The following ADGRB2 variants were observed in gnomAD, a reference collection of about 807,000 sequenced individuals.
ADGRB2 encodes adhesion G protein-coupled receptor B2, also known as brain-specific angiogenesis inhibitor 2.
Under a neutral mutation model 178.7 loss-of-function variants are expected in ADGRB2, and 47 were observed. The ratio of observed to expected loss-of-function variants is 0.26; its 90% confidence interval spans 0.21 to 0.34. The LOEUF is 0.34. Among genes scored for constraint, ADGRB2 ranks in the 10% least tolerant of loss-of-function variants. ADGRB2 has a pLI of 1.00. For synonymous variants in ADGRB2, 870 were observed against 912.4 expected (o/e 0.95, Z 0.84); for missense variants, 1,584 against 2,180.8 (o/e 0.73, Z 5.45).
chr1:31,738,551 G>A (rs1411380557), intron 17 of ADGRB2, 36 bp downstream of exon 17: 2 of 1,590,734 alleles, frequency 1.3e-6, no homozygotes, highest in South Asian at 1.1e-5. Flanking sequence ...CCCTAGGGCT[G>A]CTCCCTTCCT....
chr1:31,727,340 G>A lies in ADGRB2; in HGVS notation c.*80C>T. The stretch of plus-strand genomic sequence containing the variant: ...CCTCGGGAGAGGGGAGAGGGCGCTG[G>A]CTCCTGGGTAGTTCCAAAGTGGAGT... On this transcript the variant is annotated 3_prime_UTR_variant, in exon 33 of 33. Coordinates refer to ENST00000373658, the MANE Select transcript of ADGRB2 (RefSeq NM_001364857.2). The surrounding 1 kb of genome is among the most constrained non-coding windows in gnomAD (Gnocchi z 4.4). The A allele has an allele frequency of 1.4e-6, 2 of 1,452,802 alleles. No homozygotes were observed. Among genetic ancestry groups the A allele is most frequent in the Non-Finnish European group, 1.8e-6 (2 of 1,105,826 alleles). The allele number at this position is 1,452,802 out of a possible 1,614,324, so 90.0% of individuals were successfully genotyped here.
rs112834484 is a variant in ADGRB2, at chr1:31,744,048, C to T, written c.1087+145G>A. The stretch of plus-strand genomic sequence containing the variant: ...TGCCCTGCACCGGGCTGGCATGGTA[C>T]GCAGAGTTGGGCATGGTGTGGGGAA... On this transcript the variant is annotated intron_variant, in intron 6 of 32. Transcript: ENST00000373658. The surrounding 1 kb of genome is among the most constrained non-coding windows in gnomAD (Gnocchi z 6.7). 5.6e-3 allele frequency: 6,260 copies of T among 1,113,246 alleles called. 44 individuals are homozygous for T. Among genetic ancestry groups the T allele is most frequent in the East Asian group, 0.021 (777 of 37,448 alleles). The allele number at this position is 1,113,246 out of a possible 1,614,324, so 69.0% of individuals were successfully genotyped here.
At position 31,728,460 on chromosome 1, in the gene ADGRB2, A is replaced by G. The variant is rs1362155600; in HGVS notation, c.4416+138T>C. 2 of 1,412,746 alleles carry G rather than the reference A, an allele frequency of 1.4e-6. No homozygotes were observed. The highest frequency in any genetic ancestry group is 4.6e-5 in the East Asian group (2 of 43,706). The allele number at this position is 1,412,746 out of a possible 1,614,324, so 87.5% of individuals were successfully genotyped here. A position where few individuals can be genotyped will look rare whatever the true frequency, so the allele number is the denominator to read the frequency against. ...CTTGGGCAGGGAGGGAATCATGGGA[A>G]GATCCCACGGAACCCCCGGGCTTGG... On this transcript the variant is annotated intron_variant, in intron 30 of 32. Coordinates refer to ENST00000373658, the MANE Select transcript of ADGRB2 (RefSeq NM_001364857.2). The surrounding 1 kb of genome is among the most constrained non-coding windows in gnomAD (Gnocchi z 6.7).
Position 31,727,462 on chromosome 1 carries a change from C to T in ADGRB2, c.4716G>A (p.Glu1572=), listed in dbSNP as rs149701008. The change falls in exon 33 of 33, where the codon GAG becomes GAA. Residue 1572 remains glutamate, a synonymous_variant. Coordinates refer to ENST00000373658, the MANE Select transcript of ADGRB2 (RefSeq NM_001364857.2). The surrounding 1 kb of genome is among the most constrained non-coding windows in gnomAD (Gnocchi z 4.4). ...RLTLHRAAAW[E]PTEPPDGDFQ... ...AGTCACCATCCGGTGGTTCTGTGGG[C>T]TCCCAGGCTGCTGCCCGGTGCAGAG... is the stretch of plus-strand genomic sequence containing the variant. 5.0e-3 allele frequency: 7,891 copies of T among 1,590,850 alleles called. 45 individuals carry two copies. Among genetic ancestry groups the T allele is most frequent in the East Asian group, 0.022 (951 of 43,910 alleles).
In ADGRB2 at chr1:31,740,361, C is replaced by A. The variant is rs1297447321; in HGVS notation, c.1975G>T (p.Ala659Ser). The A allele has an allele frequency of 6.2e-7, 1 of 1,612,276 alleles. No homozygotes were observed. Among genetic ancestry groups the A allele is most frequent in the Non-Finnish European group, 8.5e-7 (1 of 1,178,920 alleles). The change falls in exon 12 of 33, where the codon GCT (alanine) becomes TCT (serine). Residue 659 changes from alanine to serine, a missense_variant. Ala to Ser is a moderately conservative substitution (Grantham distance 99, BLOSUM62 1). Coordinates refer to ENST00000373658, the MANE Select transcript of ADGRB2 (RefSeq NM_001364857.2). This position sits in a 1 kb window ranked among gnomAD's most constrained non-coding sequence, Gnocchi z 5.9. ...TFKRATYVPSADDVQRFFQVV... is the reference protein window; with the variant it reads ...TFKRATYVPSSDDVQRFFQVV... ...CTAGGCAGTACCTGCACATCATCAG[C>A]CGAGGGCACGTAGGTGGCCCTCTTA...
chr1:31,746,408 G>C (rs1646273507), intron 4 of ADGRB2, among the ~76,000 whole-genome samples: 1 of 152,094 alleles, frequency 6.6e-6, no homozygotes, highest in African/African-American at 2.4e-5. Context: ...GGCAGGGCCA[G>C]GCGTGCCAGC....
chr1:31,730,203 G>C (rs1467590144), intron 29 of ADGRB2, among the ~76,000 whole-genome samples: 1 of 152,206 alleles, frequency 6.6e-6, no homozygotes, highest in Non-Finnish European at 1.5e-5. Context: ...CACACAGGCA[G>C]GGACCCGGAG....
At position 31,754,512 on chromosome 1, in the gene ADGRB2, T is replaced by C. The variant is rs1199815258; in HGVS notation, c.838+1487A>G. On this transcript the variant is annotated intron_variant, in intron 4 of 32. Transcript: ENST00000373658. This position sits in a 1 kb window ranked among gnomAD's most constrained non-coding sequence, Gnocchi z 5.7. ...TGTTCAACAAAGAAGCAAAATTCAATTTCTTCCTACAGGCACTAAATCCCA... is the reference window on the plus strand; with the variant it reads ...TGTTCAACAAAGAAGCAAAATTCAACTTCTTCCTACAGGCACTAAATCCCA... Among the ~76,000 whole-genome samples, 2 of 152,220 alleles carry C rather than the reference T, an allele frequency of 1.3e-5. No homozygotes were observed. Among genetic ancestry groups the C allele is most frequent in the Admixed American group, 6.5e-5 (1 of 15,286 alleles).
rs562294551 is a variant in ADGRB2, at chr1:31,758,886, T to C, written c.-190-1375A>G. 1.3e-5 allele frequency among the ~76,000 whole-genome samples: 2 copies of C among 152,212 alleles called. No individual in the cohort carries two copies. Among genetic ancestry groups the C allele is most frequent in the Non-Finnish European group, 2.9e-5 (2 of 68,036 alleles). On this transcript the variant is annotated intron_variant, in intron 1 of 32. Transcript: ENST00000373658. The surrounding 1 kb of genome is among the most constrained non-coding windows in gnomAD (Gnocchi z 4.2). ...CCCACACTGCTCAGCTCGCCCCACC[T>C]GCTGCGGCACTAGCCAAGCCAGCGG...
rs1185381280 is a variant in ADGRB2 at position 31,740,727 on chromosome 1, A to G, written c.1795-186T>C. On this transcript the variant is annotated intron_variant, in intron 11 of 32. Coordinates refer to ENST00000373658, the MANE Select transcript of ADGRB2 (RefSeq NM_001364857.2). This position sits in a 1 kb window ranked among gnomAD's most constrained non-coding sequence, Gnocchi z 5.9. Reference sequence around the variant, plus strand: ...GAAAGAGACTCATAGAGAGAGAGAGAATCCCAAAGGGTACTTTAAAAAAGA... The same window carrying G: ...GAAAGAGACTCATAGAGAGAGAGAGGATCCCAAAGGGTACTTTAAAAAAGA... Among the ~76,000 whole-genome samples the G allele has an allele frequency of 6.6e-6, 1 of 152,108 alleles. No individual in the cohort carries two copies. The highest frequency in any genetic ancestry group is 2.4e-5 in the African/African-American group (1 of 41,410).
In ADGRB2 at chr1:31,740,235, C is replaced by T; in HGVS notation, c.1990-57G>A. On this transcript the variant is annotated intron_variant, in intron 12 of 32. Coordinates refer to ENST00000373658, the MANE Select transcript of ADGRB2 (RefSeq NM_001364857.2). The surrounding 1 kb of genome is among the most constrained non-coding windows in gnomAD (Gnocchi z 5.9). ...CTAGCCCCAGGGAACAGGGGGCTTC[C>T]CCCACTATAGCCACACTTGCCGCCT... The T allele has an allele frequency of 1.2e-6, 2 of 1,610,820 alleles. No individual in the cohort carries two copies. The highest frequency in any genetic ancestry group is 1.7e-4 in the Middle Eastern group (1 of 5,860).
At position 31,759,698 on chromosome 1, in the gene ADGRB2, A is replaced by G. The variant is rs1646986434; in HGVS notation, c.-190-2187T>C. Among the ~76,000 whole-genome samples, 1 of 152,186 alleles carries G rather than the reference A, an allele frequency of 6.6e-6. No individual in the cohort carries two copies. Among genetic ancestry groups the G allele is most frequent in the Non-Finnish European group, 1.5e-5 (1 of 68,026 alleles). On this transcript the variant is annotated intron_variant, in intron 1 of 32. Transcript: ENST00000373658. This position sits in a 1 kb window ranked among gnomAD's most constrained non-coding sequence, Gnocchi z 4.3. ...CTTCCCACCATTCAAAATAAGGCAAAGACCCAATTCCAAGCTGGGTCACAG... is the reference window on the plus strand; with the variant it reads ...CTTCCCACCATTCAAAATAAGGCAAGGACCCAATTCCAAGCTGGGTCACAG...
rs1179856616 is a variant in ADGRB2, at chr1:31,744,287, C to T, written c.993G>A (p.Val331=). The T allele has an allele frequency of 1.9e-6, 3 of 1,551,348 alleles. No individual in the cohort carries two copies. The highest frequency in any genetic ancestry group is 2.6e-6 in the Non-Finnish European group (3 of 1,146,892). The change falls in exon 6 of 33, where the codon GTG becomes GTA. Residue 331 remains valine, a synonymous_variant. Transcript: ENST00000373658. The surrounding 1 kb of genome is among the most constrained non-coding windows in gnomAD (Gnocchi z 6.7). The stretch of plus-strand genomic sequence containing the variant: ...GGGAGGACACACAGGAGCGGGTCCG[C>T]ACCTGCAGACCCTGCCCACACGTCA... ...CSLTCGQGLQ[V]RTRSCVSSPY...
rs1467490562 is a variant in ADGRB2, at chr1:31,731,193, C to T, written c.3987G>A (p.Glu1329=). The T allele has an allele frequency of 6.3e-7, 1 of 1,599,910 alleles. No homozygotes were observed. Among genetic ancestry groups the T allele is most frequent in the Admixed American group, 1.7e-5 (1 of 58,380 alleles). The change falls in exon 29 of 33, where the codon GAG becomes GAA. Residue 1329 remains glutamate, a synonymous_variant. Coordinates refer to ENST00000373658, the MANE Select transcript of ADGRB2 (RefSeq NM_001364857.2). ...QEANPVYMCG[E]GGLRQLDLTW... is the part of the protein sequence containing the mutation. The stretch of plus-strand genomic sequence containing the variant: ...TGAGGTCCAGCTGCCGCAGGCCACC[C>T]TCCCCACACATGTAAACAGGGTTGG...
At position 31,733,417 on chromosome 1, in the gene ADGRB2, T is replaced by C. The variant is rs1410748289; in HGVS notation, c.3453-274A>G. Among the ~76,000 whole-genome samples the C allele has an allele frequency of 1.3e-5, 2 of 150,870 alleles. No individual in the cohort carries two copies. Among genetic ancestry groups the C allele is most frequent in the African/African-American group, 2.4e-5 (1 of 40,966 alleles). On this transcript the variant is annotated intron_variant, in intron 25 of 32. Coordinates refer to ENST00000373658, the MANE Select transcript of ADGRB2 (RefSeq NM_001364857.2). The surrounding 1 kb of genome is among the most constrained non-coding windows in gnomAD (Gnocchi z 4.3). ...CACAGTGGGACCGAGCCACAGACAG[T>C]GGAAAGGGACGGGGAGAGAGAAGAG...
At position 31,732,519 on chromosome 1, in the gene ADGRB2, G is replaced by C; in HGVS notation, c.3718C>G (p.Leu1240Val). 6.2e-7 allele frequency: 1 copy of C among 1,614,158 alleles called. No homozygotes were observed. The highest frequency in any genetic ancestry group is 1.3e-5 in the African/African-American group (1 of 75,068). The change falls in exon 27 of 33, where the codon CTG (leucine) becomes GTG (valine). Residue 1240 changes from leucine to valine, a missense_variant and splice_region_variant. This residue lies in a region of ADGRB2 where 865 missense variants were observed against 1,192.8 expected (regional missense o/e 0.73). Coordinates refer to ENST00000373658, the MANE Select transcript of ADGRB2 (RefSeq NM_001364857.2). ...DSCKNGQLQI[L>V]SDFEKDVDLA... ...CCCTGCCCAGGCCCCTAACTCACCA[G>C]GATCTGCAGCTGCCCGTTCTTACAC...
rs1294825979 is a variant in ADGRB2, at chr1:31,735,563, AGAG to A, written c.3353+14_3353+16del. 1 of 1,612,900 alleles carries A rather than the reference AGAG, an allele frequency of 6.2e-7. No homozygotes were observed. The highest frequency in any genetic ancestry group is 1.1e-5 in the South Asian group (1 of 91,052). On this transcript the variant is annotated intron_variant, in intron 24 of 32. Transcript: ENST00000373658. This position sits in a 1 kb window ranked among gnomAD's most constrained non-coding sequence, Gnocchi z 6.0. Reference sequence around the variant, plus strand: ...ACCATTTCCAGAAAGGCCAAGTCTCAGAGGCCCCCCCCTTACCCGGCCCTCTGC... The same window carrying A: ...ACCATTTCCAGAAAGGCCAAGTCTCAGCCCCCCCCTTACCCGGCCCTCTGC...
intron 4 of ADGRB2, among the ~76,000 whole-genome samples, chr1:31,746,194 C>T (rs1211307384): frequency 6.6e-6 from 1 of 152,186 alleles, no homozygotes; most frequent in African/African-American, 2.4e-5. Flanking sequence ...GACCCCCTGC[C>T]AGGAGGGCCT....
At chr1:31,731,797 G>C (rs139248449) in intron 28 of ADGRB2, among the ~76,000 whole-genome samples, 8 of 152,140 alleles carry the variant, frequency 5.3e-5, no homozygotes, top group African/African-American at 1.7e-4. Context: ...ATATAATAAC[G>C]TAACACTCTG....
Sources: allele counts gnomAD v4.1 joint callset (sites outside exome capture counted in the v4.1 genomes callset), GRCh38; gene constraint gnomAD v4.1.1; regional missense constraint gnomAD v4.1.1; non-coding constraint Gnocchi (gnomAD v3.1); transcripts MANE v1.5; gene names NCBI Gene and HGNC (gene_info 2026-07-23, HGNC 2026-07-21).